The following AGBL1 variants were observed in gnomAD, a reference collection of about 807,000 sequenced individuals.
AGBL1 encodes AGBL carboxypeptidase 1.
A neutral mutation model predicts 118.9 loss-of-function variants in AGBL1; 130 were observed. The observed-to-expected ratio is 1.09, with a 90% CI of 0.95 to 1.26. The LOEUF (loss-of-function observed/expected upper bound fraction) is 1.26. Ranked by LOEUF, AGBL1 falls within the 50% of genes most tolerant of loss-of-function variation. The pLI, the probability that AGBL1 is intolerant of heterozygous loss-of-function variation, is 0.00. For missense variants in AGBL1, 1,584 were observed against 1,298.1 expected (o/e 1.22, Z -3.38); for synonymous variants, 555 against 478.9 (o/e 1.16, Z -2.08).
At chr15:86,450,010 T>C (rs2082173415) in intron 18 of AGBL1, among the ~76,000 whole-genome samples, 1 of 152,204 alleles carries the variant, frequency 6.6e-6, no homozygotes. Flanking sequence ...TCTGTTCACC[T>C]ACCCATAGTC....
intron 22 of AGBL1, among the ~76,000 whole-genome samples, chr15:86,734,448 A>T (rs1329214845): frequency 6.6e-6 from 1 of 152,166 alleles, no homozygotes; most frequent in Non-Finnish European, 1.5e-5. Context: ...AAGAACTGTT[A>T]TATGAAGGGA....
chr15:86,165,769 A>G (rs2077332590), intron 5 of AGBL1, among the ~76,000 whole-genome samples: 1 of 151,958 alleles, frequency 6.6e-6, no homozygotes, highest in African/African-American at 2.4e-5. Context: ...GAGCACTCCA[A>G]TTCAAATACC....
intron 24 of AGBL1, among the ~76,000 whole-genome samples, chr15:87,005,680 TTTCTC>T (rs2081491884): frequency 6.6e-6 from 1 of 152,214 alleles, no homozygotes; most frequent in South Asian, 2.1e-4. Context: ...GAAGCCTTCT[TTTCTC>T]TACTTGTCAA....
At chr15:86,768,991 G>A (rs1174319607) in intron 22 of AGBL1, among the ~76,000 whole-genome samples, 1 of 151,858 alleles carries the variant, frequency 6.6e-6, no homozygotes, top group African/African-American at 2.4e-5. Context: ...TAGACCCCTG[G>A]GTTAGAGACA....
chr15:86,858,456 T>C (rs2079515862), intron 22 of AGBL1, among the ~76,000 whole-genome samples: 1 of 129,344 alleles, frequency 7.7e-6, no homozygotes, highest in Non-Finnish European at 1.6e-5. Flanking sequence ...GTTCACACCT[T>C]TCAGGTGGTG....
chr15:86,382,678 A>G (rs183853949), intron 17 of AGBL1, among the ~76,000 whole-genome samples: 22 of 151,910 alleles, frequency 1.4e-4, no homozygotes, highest in Non-Finnish European at 2.4e-4. Context: ...AATAATTATT[A>G]TTATTCTCTT....
chr15:86,663,231 G>A (rs2085578157), intron 21 of AGBL1, among the ~76,000 whole-genome samples: 1 of 152,288 alleles, frequency 6.6e-6, no homozygotes, highest in East Asian at 1.9e-4. Flanking sequence ...AGAAACCCAA[G>A]GGTTAAAGCC....
chr15:86,506,973 T>A (rs926405688), intron 18 of AGBL1, among the ~76,000 whole-genome samples: 2 of 152,096 alleles, frequency 1.3e-5, no homozygotes, highest in African/African-American at 4.8e-5. Context: ...TGCCTATGTT[T>A]AGCTTGAAGT....
chr15:86,152,323 A>G (rs1046107270), intron 3 of AGBL1, among the ~76,000 whole-genome samples: 3 of 152,210 alleles, frequency 2.0e-5, no homozygotes, highest in Non-Finnish European at 2.9e-5. Flanking sequence ...AAACAGATAG[A>G]CTAATGGAAC....
At chr15:86,598,460 C>T (rs2084442427) in intron 21 of AGBL1, among the ~76,000 whole-genome samples, 1 of 152,058 alleles carries the variant, frequency 6.6e-6, no homozygotes, top group Non-Finnish European at 1.5e-5. Context: ...CCTGTTTGAT[C>T]CAAGTGCAAA....
intron 22 of AGBL1, among the ~76,000 whole-genome samples, chr15:86,730,935 C>T (rs1003348265): frequency 2.0e-5 from 3 of 152,074 alleles, no homozygotes; most frequent in African/African-American, 4.8e-5. Flanking sequence ...TCAAGTGATT[C>T]TCTTGCCTCA....
At position 86,520,997 on chromosome 15, in the gene AGBL1, A is replaced by G. The variant is rs188261436; in HGVS notation, c.2556-1813A>G. ...AACTCTATTTCTAGATGTCATTGCT[A>G]TTAAAAACAGAAAGGGAGAAAAAAA... On this transcript the variant is annotated intron_variant, in intron 18 of 22. Transcript: ENST00000614907. Among the ~76,000 whole-genome samples the G allele has an allele frequency of 2.2e-3, 338 of 152,318 alleles. 1 individual carries two copies. Among genetic ancestry groups the G allele is most frequent in the Non-Finnish European group, 4.0e-3 (275 of 68,030 alleles).
intron 18 of AGBL1, among the ~76,000 whole-genome samples, chr15:86,481,909 A>T (rs2082657103): frequency 6.6e-6 from 1 of 152,118 alleles, no homozygotes; most frequent in African/African-American, 2.4e-5. Flanking sequence ...TGACTCATTT[A>T]ATATAGCTGA....
intron 5 of AGBL1, among the ~76,000 whole-genome samples, chr15:86,163,736 A>G (rs994245713): frequency 6.6e-6 from 1 of 152,150 alleles, no homozygotes; most frequent in Non-Finnish European, 1.5e-5. Context: ...TCAAAAAAAA[A>G]TGAATAAATA....
intron 5 of AGBL1, among the ~76,000 whole-genome samples, chr15:86,188,406 T>TA (rs201858870): frequency 0.033 from 4,931 of 151,292 alleles, 125 homozygotes; most frequent in East Asian, 0.092. Context: ...ATAGAAAACA[T>TA]AAAAAAAAAG....
At chr15:86,404,979 GC>G (rs1391775345) in intron 18 of AGBL1, among the ~76,000 whole-genome samples, 2 of 152,282 alleles carry the variant, frequency 1.3e-5, no homozygotes, top group Non-Finnish European at 2.9e-5. Flanking sequence ...ATGCTCTTGA[GC>G]TTTAAATTGG....
In AGBL1 at chr15:86,836,409, C is replaced by T. The variant is rs553400320; in HGVS notation, c.3159-70678C>T. Among the ~76,000 whole-genome samples, 5 of 152,220 alleles carry T rather than the reference C, an allele frequency of 3.3e-5. No homozygotes were observed. In the East Asian group the frequency reaches 7.7e-4, roughly 24 times the overall value. On this transcript the variant is annotated intron_variant, in intron 22 of 22. Transcript: ENST00000614907. ...ATTAGCGTACCAATTTACACTATCT[C>T]AACTCTAAATTAATTAACACAGTGT...
At chr15:86,631,841 A>T (rs1372934357) in intron 21 of AGBL1, among the ~76,000 whole-genome samples, 4 of 152,078 alleles carry the variant, frequency 2.6e-5, no homozygotes, top group African/African-American at 9.6e-5. Context: ...CCTTTTGTTG[A>T]TGGTTTCTTC....
chr15:86,137,316 C>G (rs2076902153), intron 1 of AGBL1, among the ~76,000 whole-genome samples: 1 of 152,178 alleles, frequency 6.6e-6, no homozygotes, highest in African/African-American at 2.4e-5. Context: ...GGTGAGCTGG[C>G]TCTCTGGTTT....
Sources: gnomAD v4.1 joint callset for allele counts (sites outside exome capture counted in the v4.1 genomes callset) on GRCh38, gnomAD v4.1.1 for gene constraint, MANE v1.5 for transcripts, NCBI Gene and HGNC (gene_info 2026-07-23, HGNC 2026-07-21) for gene names.